The following GPC3 variants were observed in gnomAD, a reference collection of about 807,000 sequenced individuals.
GPC3 encodes the protein glypican-3.
A neutral mutation model predicts 34.4 loss-of-function variants in GPC3; 3 were observed. That is an observed-to-expected ratio of 0.09 (90% confidence interval 0.04 to 0.23). The LOEUF is 0.23. Ranked by LOEUF, GPC3 falls within the 10% of genes least tolerant of loss-of-function variation. The probability of loss-of-function intolerance (pLI) is 1.00; values close to 1 mark genes in which losing one functional copy is unlikely to be tolerated. For missense variants in GPC3, 351 were observed against 445.6 expected, an observed-to-expected ratio of 0.79 and a Z score of 1.91; for synonymous variants, 177 against 174.0, an observed-to-expected ratio of 1.02 and a Z score of -0.13.
At chrX:133,974,901 C>G (rs1462246983) in intron 1 of GPC3, among the ~76,000 whole-genome samples, 1 of 111,236 alleles carries the variant, frequency 9.0e-6, no homozygotes, top group East Asian at 2.8e-4. Flanking sequence ...ATCAAAGGAC[C>G]TTTCAAACTC....
chrX:133,626,500 C>A (rs1028916460), intron 6 of GPC3, among the ~76,000 whole-genome samples: 1 of 110,371 alleles, frequency 9.1e-6, no homozygotes, highest in Non-Finnish European at 1.9e-5. Flanking sequence ...AAAAAGTGGG[C>A]AAAGGATATG....
At chrX:133,778,028 G>T (rs1056453182) in intron 2 of GPC3, among the ~76,000 whole-genome samples, 2 of 112,330 alleles carry the variant, frequency 1.8e-5, no homozygotes, top group African/African-American at 3.2e-5. Flanking sequence ...ACCTTGTTTT[G>T]TAAAGAACAC....
intron 2 of GPC3, among the ~76,000 whole-genome samples, chrX:133,874,117 A>T (rs2076005738): frequency 8.9e-6 from 1 of 111,932 alleles, no homozygotes; most frequent in South Asian, 3.7e-4. Context: ...AGTCTAAGTC[A>T]GTTAAGGGAA....
rs981373181 is a variant in GPC3, at chrX:133,549,865, C to T, written c.1574-13572G>A. ...CTTCTTTTTCTCCTTCCCTCCCTCT[C>T]TCTCTTCCTGTCTTCCCTCCCTCCT... On this transcript the variant is annotated intron_variant, in intron 7 of 7. Transcript: ENST00000370818. Among the ~76,000 whole-genome samples the T allele has an allele frequency of 3.1e-5, 3 of 96,911 alleles. 1 individual carries two copies. The highest frequency in any genetic ancestry group is 1.2e-4 in the African/African-American group (3 of 26,046). 84.2% of individuals were successfully genotyped at this position (96,911 alleles called of 115,157 possible). A position where few individuals can be genotyped will look rare whatever the true frequency, so the allele number is the denominator to read the frequency against.
intron 7 of GPC3, among the ~76,000 whole-genome samples, chrX:133,550,167 C>T (rs2069422599): frequency 9.1e-6 from 1 of 109,833 alleles, no homozygotes; most frequent in Admixed American, 9.8e-5. Flanking sequence ...AGGCATGCAC[C>T]ACCATGCCAG....
At chrX:133,892,131 C>G (rs1308612709) in intron 2 of GPC3, among the ~76,000 whole-genome samples, 2 of 111,600 alleles carry the variant, frequency 1.8e-5, no homozygotes, top group Non-Finnish European at 3.8e-5. Context: ...TTAAGAGCTG[C>G]ATCAGATGTA....
chrX:133,612,039 CTTAA>C (rs1334556502), intron 6 of GPC3, among the ~76,000 whole-genome samples: 2 of 112,107 alleles, frequency 1.8e-5, no homozygotes, highest in Admixed American at 1.9e-4. Flanking sequence ...AAGCTGATAC[CTTAA>C]TTAATGCAAA....
intron 6 of GPC3, among the ~76,000 whole-genome samples, chrX:133,659,038 C>T (rs2124398591): frequency 8.9e-6 from 1 of 112,248 alleles, no homozygotes; most frequent in African/African-American, 3.2e-5. Context: ...AAACACAGTC[C>T]TCACAACTAA....
chrX:133,639,353 T>C (rs76559852), intron 6 of GPC3, among the ~76,000 whole-genome samples: 3 of 112,344 alleles, frequency 2.7e-5, no homozygotes, highest in African/African-American at 9.7e-5. Context: ...TCTGTATCTG[T>C]CTCTTCTATG....
At chrX:133,672,493 G>A (rs957840276) in intron 5 of GPC3, among the ~76,000 whole-genome samples, 2 of 111,679 alleles carry the variant, frequency 1.8e-5, no homozygotes, top group Non-Finnish European at 3.8e-5. Context: ...CAGTAATCGG[G>A]GGTGGGGAAT....
At chrX:133,678,613 C>T (rs1344972246) in intron 5 of GPC3, among the ~76,000 whole-genome samples, 1 of 111,583 alleles carries the variant, frequency 9.0e-6, no homozygotes, top group Non-Finnish European at 1.9e-5. Flanking sequence ...AAGTTGATCA[C>T]TGTAGGGGCC....
rs755743564 is a variant in GPC3, at chrX:133,573,411, T to C, written c.1573+23029A>G. Among the ~76,000 whole-genome samples the C allele has an allele frequency of 1.4e-4, 16 of 111,808 alleles. No homozygotes were observed. In the South Asian group the frequency reaches 5.6e-3, roughly 39 times the overall value. ...ATGGTACTGAAGGTTCTAGCCAGTG[T>C]AAGCAGGCCAGCAAAACAAATCAAA... On this transcript the variant is annotated intron_variant, in intron 7 of 7. Transcript: ENST00000370818.
intron 2 of GPC3, among the ~76,000 whole-genome samples, chrX:133,942,151 C>G (rs1225985918): frequency 9.0e-6 from 1 of 111,467 alleles, no homozygotes; most frequent in Admixed American, 9.6e-5. Flanking sequence ...TATGTACCCA[C>G]AAAAATTAAA....
In GPC3 at chrX:133,740,299, A is replaced by G. The variant is rs144328685; in HGVS notation, c.1032+13183T>C. Among the ~76,000 whole-genome samples, 1,018 of 112,204 alleles carry G rather than the reference A, an allele frequency of 9.1e-3. 11 individuals are homozygous for G. Among genetic ancestry groups the G allele is most frequent in the African/African-American group, 0.031 (962 of 30,934 alleles). ...GATGTGTGAGGAAAACGTTTCCACC[A>G]CTGTGTATTCTTTCACTCTCTGTGA... On this transcript the variant is annotated intron_variant, in intron 3 of 7. Transcript: ENST00000370818.
At chrX:133,857,074 G>GCAATCTCACC (rs2075906250) in intron 2 of GPC3, among the ~76,000 whole-genome samples, 1 of 110,900 alleles carries the variant, frequency 9.0e-6, no homozygotes, top group Admixed American at 9.6e-5. Context: ...ATTATCCCCA[G>GCAATCTCACC]CAATCTCACC....
intron 7 of GPC3, among the ~76,000 whole-genome samples, chrX:133,547,246 G>T (rs2069394380): frequency 9.0e-6 from 1 of 111,204 alleles, no homozygotes; most frequent in African/African-American, 3.3e-5. Context: ...AATTAATAAA[G>T]ATAGCAAAGT....
intron 3 of GPC3, among the ~76,000 whole-genome samples, chrX:133,701,712 G>A (rs959318712): frequency 8.9e-6 from 1 of 112,222 alleles, no homozygotes; most frequent in Non-Finnish European, 1.9e-5. Flanking sequence ...ATCAGCCTCA[G>A]TTCAGCACTC....
chrX:133,927,329 GA>G (rs1178169335), intron 2 of GPC3, among the ~76,000 whole-genome samples: 4 of 109,081 alleles, frequency 3.7e-5, no homozygotes, highest in Non-Finnish European at 7.6e-5. Context: ...ATTTATGTAG[GA>G]AAAAAAACTG....
intron 5 of GPC3, among the ~76,000 whole-genome samples, chrX:133,683,289 T>C (rs924628012): frequency 8.9e-6 from 1 of 112,452 alleles, no homozygotes; most frequent in African/African-American, 3.2e-5. Context: ...AGCTCTAGTA[T>C]GTTAATTTAC....
Sources: allele counts gnomAD v4.1 joint callset (sites outside exome capture counted in the v4.1 genomes callset), GRCh38; gene constraint gnomAD v4.1.1; transcripts MANE v1.5; gene names NCBI Gene and HGNC (gene_info 2026-07-23, HGNC 2026-07-21).